The following SUMF1 variants were observed in gnomAD, a reference collection of about 807,000 sequenced individuals.
SUMF1 encodes formylglycine-generating enzyme.
In SUMF1, 48 loss-of-function variants were observed where a neutral mutation model predicts 47.6. The observed-to-expected ratio is 1.01, with a 90% CI of 0.80 to 1.28. SUMF1 has a LOEUF of 1.28. SUMF1 is among the 50% of genes most tolerant of loss of function. The probability of loss-of-function intolerance (pLI) is 0.00; values close to 1 mark genes in which losing one functional copy is unlikely to be tolerated. For synonymous variants in SUMF1, 230 were observed against 192.1 expected, an observed-to-expected ratio of 1.20 and a Z score of -1.63; for missense variants, 571 against 485.4, an observed-to-expected ratio of 1.18 and a Z score of -1.66.
Position 4,376,350 on chromosome 3 carries a change from C to T in SUMF1, c.994G>A (p.Gly332Arg), listed in dbSNP as rs1042403890. Residue 332 changes from glycine (G) to arginine (R), a missense_variant, in exon 8 of 9, where the codon GGA (glycine) becomes AGA (arginine). Coordinates refer to ENST00000272902, the MANE Select transcript of SUMF1 (RefSeq NM_182760.4). ...CTTACCCTATGGCACATGTAGGATC[C>T]ACCTTTCTTCACTCGGTCTTTCCCA... ...PSGKDRVKKG[G>R]SYMCHRSYCY... 2 of 1,614,058 alleles carry T rather than the reference C, an allele frequency of 1.2e-6. No individual in the cohort carries two copies. Among genetic ancestry groups the T allele is most frequent in the Non-Finnish European group, 1.7e-6 (2 of 1,180,010 alleles).
chr3:4,349,879 G>A (rs1559237145), intron 8 of SUMF1, among the ~76,000 whole-genome samples: 1 of 151,752 alleles, frequency 6.6e-6, no homozygotes. Flanking sequence ...GGGTCAATAG[G>A]CGCAGCAAAC....
chr3:4,388,095 T>C (rs181619776), intron 7 of SUMF1, among the ~76,000 whole-genome samples: 69 of 152,228 alleles, frequency 4.5e-4, no homozygotes, highest in African/African-American at 1.5e-3. Context: ...TGGTTGATGG[T>C]ATTGTTGAGT....
At chr3:4,254,984 T>C (rs1320438047) in intron 8 of SUMF1, among the ~76,000 whole-genome samples, 11 of 152,006 alleles carry the variant, frequency 7.2e-5, no homozygotes, top group African/African-American at 2.2e-4. Context: ...AAAACAATTT[T>C]CAACCCAGAA....
At chr3:4,266,366 G>A (rs1198483407) in intron 8 of SUMF1, among the ~76,000 whole-genome samples, 2 of 152,286 alleles carry the variant, frequency 1.3e-5, no homozygotes, top group East Asian at 3.9e-4. Context: ...CCATGAGCAT[G>A]GAATGTTCTT....
At chr3:4,231,907 T>C (rs1160724580) in intron 8 of SUMF1, among the ~76,000 whole-genome samples, 2 of 152,174 alleles carry the variant, frequency 1.3e-5, no homozygotes, top group African/African-American at 2.4e-5. Flanking sequence ...GATAAATTCA[T>C]TACATGTTTT....
At chr3:4,175,799 T>C (rs1417493314) in intron 8 of SUMF1, among the ~76,000 whole-genome samples, 1 of 152,056 alleles carries the variant, frequency 6.6e-6, no homozygotes, top group Non-Finnish European at 1.5e-5. Flanking sequence ...GAAAACACAT[T>C]AGACAAATGG....
intron 8 of SUMF1, among the ~76,000 whole-genome samples, chr3:4,145,300 G>A (rs1043529679): frequency 1.3e-5 from 2 of 150,970 alleles, no homozygotes; most frequent in Non-Finnish European, 3.0e-5. Flanking sequence ...CAGAGTGCTT[G>A]AAATTACTTG....
At chr3:4,065,868 C>T (rs1405749934) in intron 9 of SUMF1, among the ~76,000 whole-genome samples, 1 of 152,078 alleles carries the variant, frequency 6.6e-6, no homozygotes, top group Non-Finnish European at 1.5e-5. Context: ...ATGGCAACAC[C>T]AACTATGGCT....
At chr3:4,221,645 A>T (rs923421565) in intron 8 of SUMF1, among the ~76,000 whole-genome samples, 14 of 152,158 alleles carry the variant, frequency 9.2e-5, no homozygotes, top group African/African-American at 3.4e-4. Flanking sequence ...TTACTAAATG[A>T]ATGCCAATTA....
At chr3:4,437,886 C>G (rs919205181) in intron 3 of SUMF1, among the ~76,000 whole-genome samples, 6 of 152,082 alleles carry the variant, frequency 3.9e-5, no homozygotes, top group Non-Finnish European at 7.4e-5. Flanking sequence ...TTGCAGTGAG[C>G]TGAGATCGTG....
intron 8 of SUMF1, chr3:4,313,577 A>C: frequency 6.2e-7 from 1 of 1,614,104 alleles, no homozygotes; most frequent in East Asian, 2.2e-5. Context: ...GAAAGGCTAG[A>C]TCATGGGAAA....
rs1701740611 is a variant in SUMF1, at chr3:4,417,141, T to G, written c.827A>C (p.Gln276Pro). ...PVTNTGEDGF[Q>P]GTAPVDAFPP... ...CTCATTACTCACAGGCGCAGTTCCT[T>G]GGAAGCCATCCTCACCAGTGTTGGT... is the stretch of plus-strand genomic sequence containing the variant. The change falls in exon 6 of 9, where the codon CAA becomes CCA. Residue 276 changes from glutamine to proline, a missense_variant. By Grantham distance (76) the Gln-to-Pro change is moderately conservative (BLOSUM62 -1). Transcript: ENST00000272902. 2 of 1,613,812 alleles carry G rather than the reference T, an allele frequency of 1.2e-6. No individual in the cohort carries two copies. The highest frequency in any genetic ancestry group is 1.3e-5 in the African/African-American group (1 of 75,026).
At chr3:4,058,861 G>C (rs1412679525) in intron 9 of SUMF1, among the ~76,000 whole-genome samples, 1 of 152,094 alleles carries the variant, frequency 6.6e-6, no homozygotes, top group Non-Finnish European at 1.5e-5. Flanking sequence ...TTAGTTAATA[G>C]CTTTTATAGT....
At chr3:4,080,071 T>C (rs1032975585) in intron 8 of SUMF1, among the ~76,000 whole-genome samples, 57 of 152,154 alleles carry the variant, frequency 3.7e-4, no homozygotes, top group African/African-American at 1.3e-3. Context: ...CAGAGGGTCC[T>C]GTATTTCCAG....
At chr3:4,066,814 G>C (rs538663728) in intron 9 of SUMF1, among the ~76,000 whole-genome samples, 1 of 152,096 alleles carries the variant, frequency 6.6e-6, no homozygotes, top group Non-Finnish European at 1.5e-5. Context: ...GACCTAGACC[G>C]AACACCTGGC....
At chr3:4,444,578 T>C (rs113430757) in intron 3 of SUMF1, among the ~76,000 whole-genome samples, 2,670 of 152,274 alleles carry the variant, frequency 0.018, 76 homozygotes, top group African/African-American at 0.061. Context: ...GCATTAGTAT[T>C]ATTGAGACCA....
intron 8 of SUMF1, among the ~76,000 whole-genome samples, chr3:4,348,680 C>T (rs1699423663): frequency 6.7e-6 from 1 of 149,446 alleles, no homozygotes; most frequent in East Asian, 2.0e-4. Flanking sequence ...GCCTGACCAA[C>T]ATGCAGAAAT....
chr3:4,414,181 A>G (rs987597997), intron 6 of SUMF1, among the ~76,000 whole-genome samples: 1 of 152,124 alleles, frequency 6.6e-6, no homozygotes, highest in African/African-American at 2.4e-5. Flanking sequence ...AAATTTTTAA[A>G]TTAGCTGGGC....
At chr3:4,289,969 C>T (rs1304367658) in intron 8 of SUMF1, among the ~76,000 whole-genome samples, 1 of 152,130 alleles carries the variant, frequency 6.6e-6, no homozygotes, top group Non-Finnish European at 1.5e-5. Context: ...TGCATTTTTG[C>T]AACTATTGGC....
Sources: allele counts gnomAD v4.1 joint callset (sites outside exome capture counted in the v4.1 genomes callset), GRCh38; gene constraint gnomAD v4.1.1; transcripts MANE v1.5; gene names NCBI Gene and HGNC (gene_info 2026-07-23, HGNC 2026-07-21).